GARNL3: variants seen among roughly 807,000 people sequenced by gnomAD.
GARNL3 encodes GTPase-activating Rap/Ran-GAP domain-like protein 3.
GARNL3 carries 63 observed loss-of-function variants against 125.0 expected under a neutral mutation model. That is an observed-to-expected ratio of 0.50 (90% CI 0.41 to 0.62). The LOEUF is 0.62. GARNL3 is among the 20% of genes least tolerant of loss of function. The pLI is 0.00. For missense variants in GARNL3, 994 were observed against 1,244.0 expected (o/e 0.80, Z 3.02); for synonymous variants, 439 against 457.5 (o/e 0.96, Z 0.52).
At chr9:127,298,912 C>G (rs1406135204) in intron 2 of GARNL3, among the ~76,000 whole-genome samples, 3 of 152,062 alleles carry the variant, frequency 2.0e-5, no homozygotes, top group African/African-American at 7.2e-5. Flanking sequence ...GTGAGGAAGC[C>G]AAATTCAAAT....
At chr9:127,247,723 A>G (rs2063327909) in intron 2 of GARNL3, among the ~76,000 whole-genome samples, 1 of 152,250 alleles carries the variant, frequency 6.6e-6, no homozygotes, top group Non-Finnish European at 1.5e-5. Flanking sequence ...TTATAATCAC[A>G]TCAGGGTAAT....
In GARNL3 at chr9:127,387,666, C is replaced by G. The variant is rs185093506; in HGVS notation, c.2527+335C>G. The stretch of plus-strand genomic sequence containing the variant: ...GCTGAGGCAGGAGAATCACTTGACC[C>G]TGGGAGGTGGATGTTGCAGTGAGCC... On this transcript the variant is annotated intron_variant, in intron 25 of 27. Coordinates refer to ENST00000373387, the MANE Select transcript of GARNL3 (RefSeq NM_032293.5). Among the ~76,000 whole-genome samples the G allele has an allele frequency of 3.2e-3, 476 of 149,508 alleles. 3 individuals are homozygous for G. Among genetic ancestry groups the G allele is most frequent in the Non-Finnish European group, 4.8e-3 (321 of 67,512 alleles).
chr9:127,299,186 G>A (rs1004808510), intron 2 of GARNL3, among the ~76,000 whole-genome samples: 5 of 151,806 alleles, frequency 3.3e-5, no homozygotes, highest in East Asian at 1.9e-4. Context: ...GTGTGCTGGC[G>A]GGTGCCTGTA....
chr9:127,352,945 C>T (rs972256520), intron 17 of GARNL3, among the ~76,000 whole-genome samples: 8 of 152,198 alleles, frequency 5.3e-5, no homozygotes, highest in African/African-American at 1.7e-4. Flanking sequence ...ATGTCTCCAC[C>T]ATCCCGGACA....
intron 2 of GARNL3, among the ~76,000 whole-genome samples, chr9:127,309,830 A>G (rs558855120): frequency 6.6e-6 from 1 of 152,362 alleles, no homozygotes; most frequent in South Asian, 2.1e-4. Context: ...TTAGCATGAT[A>G]AAGAAACTGA....
intron 22 of GARNL3, among the ~76,000 whole-genome samples, chr9:127,374,399 A>G (rs972769760): frequency 6.6e-6 from 1 of 152,158 alleles, no homozygotes; most frequent in African/African-American, 2.4e-5. Flanking sequence ...AAAACCTAAA[A>G]CCTAATAAAA....
chr9:127,324,874 A>G (rs2065519569), intron 6 of GARNL3, among the ~76,000 whole-genome samples, 195 bp from the exon 7 acceptor site: 2 of 152,240 alleles, frequency 1.3e-5, no homozygotes. Flanking sequence ...TTATAGGGGA[A>G]AAAGATCCAA....
In GARNL3 at chr9:127,363,155, T is replaced by G. The variant is rs117633306; in HGVS notation, c.2095-2145T>G. On this transcript the variant is annotated intron_variant, in intron 21 of 27. Coordinates refer to ENST00000373387, the MANE Select transcript of GARNL3 (RefSeq NM_032293.5). ...AAACAGACAAGAGAGCACCAGAGGG[T>G]GAGGGACACTCTGCAGAGAGCCTAA... 1,000 of 152,272 alleles carry G rather than the reference T, an allele frequency of 6.6e-3. 57 individuals carry two copies. In the East Asian group the frequency reaches 0.16, roughly 24 times the overall value. The allele number at this position is 152,272 out of a possible 1,614,324, so 9.4% of individuals were successfully genotyped here.
At chr9:127,354,494 G>A in intron 19 of GARNL3, 84 bp downstream of exon 19, 2 of 767,596 alleles carry the variant, frequency 2.6e-6, no homozygotes, top group Non-Finnish European at 4.4e-6. Context: ...ATAAAAATGA[G>A]TAGGAATTTG....
At chr9:127,271,446 G>C (rs1226462033) in intron 1 of GARNL3, among the ~76,000 whole-genome samples, 1 of 150,288 alleles carries the variant, frequency 6.7e-6, no homozygotes. Flanking sequence ...GAGAAAACAA[G>C]CCTCTTTGAT....
intron 22 of GARNL3, among the ~76,000 whole-genome samples, chr9:127,368,657 A>G (rs1477126983): frequency 6.7e-6 from 1 of 149,478 alleles, no homozygotes; most frequent in Non-Finnish European, 1.5e-5. Context: ...TATAAGGGCC[A>G]AGTGCAGTGG....
At chr9:127,326,530 G>A (rs1289309694) in intron 7 of GARNL3, among the ~76,000 whole-genome samples, 1 of 152,156 alleles carries the variant, frequency 6.6e-6, no homozygotes, top group Non-Finnish European at 1.5e-5. Flanking sequence ...ATTACACATT[G>A]CATGCCTGTA....
chr9:127,225,758 G>A (rs553789463), intron 1 of GARNL3, among the ~76,000 whole-genome samples: 40 of 87,504 alleles, frequency 4.6e-4, no homozygotes, highest in African/African-American at 1.6e-3. Context: ...GCTTCCTTCC[G>A]GCGCCCGCGT....
At chr9:127,339,080 G>A (rs1379992266) in intron 12 of GARNL3, among the ~76,000 whole-genome samples, 2 of 152,066 alleles carry the variant, frequency 1.3e-5, no homozygotes, top group African/African-American at 2.4e-5. Flanking sequence ...GGCGGATCAC[G>A]AGGTCAGGAG....
At chr9:127,246,816 A>AT (rs1383088326) in intron 2 of GARNL3, among the ~76,000 whole-genome samples, 1 of 152,010 alleles carries the variant, frequency 6.6e-6, no homozygotes, top group Non-Finnish European at 1.5e-5. Flanking sequence ...CAAAAAAAAA[A>AT]TTGCTGTCAG....
rs183297701 is a variant in GARNL3 at position 127,306,780 on chromosome 9, G to A, written c.220-4856G>A. Among the ~76,000 whole-genome samples the A allele has an allele frequency of 3.3e-3, 493 of 151,466 alleles. 2 individuals are homozygous for A. The highest frequency in any genetic ancestry group is 0.012 in the African/African-American group (478 of 41,306). On this transcript the variant is annotated intron_variant, in intron 2 of 27. Coordinates refer to ENST00000373387, the MANE Select transcript of GARNL3 (RefSeq NM_032293.5). ...CACACACCTGTAATCCTATCTACTCGGGAGGCTGAGGTAGTAGAATTGTTT... is the reference window on the plus strand; with the variant it reads ...CACACACCTGTAATCCTATCTACTCAGGAGGCTGAGGTAGTAGAATTGTTT...
chr9:127,236,466 C>G (rs1292661280), intron 1 of GARNL3, among the ~76,000 whole-genome samples: 3 of 152,226 alleles, frequency 2.0e-5, no homozygotes, highest in African/African-American at 7.2e-5. Context: ...AATAGGGTCT[C>G]TAGACCTATT....
rs192758192 is a variant in GARNL3, at chr9:127,308,978, T to C, written c.220-2658T>C. Among the ~76,000 whole-genome samples, 20 of 152,348 alleles carry C rather than the reference T, an allele frequency of 1.3e-4. No homozygotes were observed. The East Asian group carries it at 3.9e-3, about 29-fold the overall frequency. On this transcript the variant is annotated intron_variant, in intron 2 of 27. Transcript: ENST00000373387. ...GTAAGTAAAAGGTAAACATGCTTTT[T>C]TACACTGCTCTTATTCTTGCAGCTT...
At chr9:127,306,025 T>G (rs1190678603) in intron 2 of GARNL3, among the ~76,000 whole-genome samples, 2 of 152,170 alleles carry the variant, frequency 1.3e-5, no homozygotes, top group Non-Finnish European at 2.9e-5. Context: ...CCCTGTGGTG[T>G]TCCATTCTAC....
Sources: gnomAD v4.1 joint callset for allele counts (sites outside exome capture counted in the v4.1 genomes callset) on GRCh38, gnomAD v4.1.1 for gene constraint, MANE v1.5 for transcripts, NCBI Gene and HGNC (gene_info 2026-07-23, HGNC 2026-07-21) for gene names.